The following DUSP29 variants were observed in gnomAD, a reference collection of about 807,000 sequenced individuals.
DUSP29 encodes the protein dual specificity phosphatase 29.
In DUSP29, 12 loss-of-function variants were observed where a neutral mutation model predicts 13.5. The ratio of observed to expected loss-of-function variants is 0.89; its 90% CI spans 0.57 to 1.44. The LOEUF (loss-of-function observed/expected upper bound fraction) is 1.44. Ranked by LOEUF, DUSP29 falls within the 40% of genes most tolerant of loss-of-function variation. The probability of loss-of-function intolerance (pLI) is 0.00; values close to 1 mark genes in which losing one functional copy is unlikely to be tolerated. For synonymous variants in DUSP29, 134 were observed against 128.7 expected (o/e 1.04, Z -0.28); for missense variants, 308 against 301.1 (o/e 1.02, Z -0.17).
chr10:75,050,370 T>C (rs917446793), intron 2 of DUSP29, among the ~76,000 whole-genome samples: 1 of 152,266 alleles, frequency 6.6e-6, no homozygotes, highest in African/African-American at 2.4e-5. Context: ...TCTTATCTCA[T>C]CATTGACGCC....
chr10:75,053,685 T>C (rs941357721), intron 2 of DUSP29, among the ~76,000 whole-genome samples: 5 of 151,884 alleles, frequency 3.3e-5, no homozygotes, highest in African/African-American at 4.8e-5. Flanking sequence ...TTTACCTGAC[T>C]GACCATGTTT....
chr10:75,067,521 T>G (rs1210621707), intron 1 of DUSP29, among the ~76,000 whole-genome samples: 2 of 152,118 alleles, frequency 1.3e-5, no homozygotes, highest in African/African-American at 4.8e-5. Flanking sequence ...CGAGAAGGAA[T>G]GAGGAGTGGC....
At chr10:75,043,305 A>G (rs551055097) in intron 3 of DUSP29, among the ~76,000 whole-genome samples, 46 of 152,338 alleles carry the variant, frequency 3.0e-4, no homozygotes, top group African/African-American at 8.9e-4. Flanking sequence ...TCTGGCATCA[A>G]AGCCCTTGGC....
chr10:75,047,690 C>A (rs1208246081), intron 2 of DUSP29, among the ~76,000 whole-genome samples: 2 of 152,182 alleles, frequency 1.3e-5, no homozygotes, highest in Admixed American at 6.5e-5. Flanking sequence ...TGGTTAGGCA[C>A]AATCCTAGAT....
Position 75,043,923 on chromosome 10 carries a change from C to T in DUSP29, c.295G>A (p.Asp99Asn), listed in dbSNP as rs539794082. 1.2e-5 allele frequency: 20 copies of T among 1,613,920 alleles called. No homozygotes were observed. In the South Asian group the frequency reaches 2.0e-4, roughly 16 times the overall value. Residue 99 changes from aspartate to asparagine, a missense_variant, in exon 3 of 4, where the codon GAC becomes AAC. Coordinates refer to ENST00000338487, the MANE Select transcript of DUSP29 (RefSeq NM_001003892.3). ...TGGATGTCCATGTCGCGGTAGTAGT[C>T]GGGCCCAGTGTCCACGTTCCAGCGG... Reference protein sequence around the residue: ...HGRWNVDTGPDYYRDMDIQYH... With the variant: ...HGRWNVDTGPNYYRDMDIQYH...
At chr10:75,053,893 A>G (rs574328694) in intron 2 of DUSP29, among the ~76,000 whole-genome samples, 48 of 152,306 alleles carry the variant, frequency 3.2e-4, no homozygotes, top group Non-Finnish European at 6.0e-4. Context: ...CATTTGTAAA[A>G]TGGGAATAAT....
intron 1 of DUSP29, among the ~76,000 whole-genome samples, chr10:75,073,312 GCTTTAAT>G (rs2134312885): frequency 6.6e-6 from 1 of 152,308 alleles, no homozygotes; most frequent in Non-Finnish European, 1.5e-5. Context: ...GGCTCGATGA[GCTTTAAT>G]CCACCCCATT....
At chr10:75,070,352 A>T (rs998625849) in intron 1 of DUSP29, among the ~76,000 whole-genome samples, 8 of 152,190 alleles carry the variant, frequency 5.3e-5, no homozygotes, top group African/African-American at 1.9e-4. Context: ...TGGGCCTCTC[A>T]ATTCTGTATG....
Position 75,037,827 on chromosome 10 carries a change from GA to G in DUSP29, c.*8del, listed in dbSNP as rs1367140059. 1 of 1,595,904 alleles carries G rather than the reference GA, an allele frequency of 6.3e-7. No individual in the cohort carries two copies. Among genetic ancestry groups the G allele is most frequent in the South Asian group, 1.1e-5 (1 of 90,384 alleles). ...CCCCAAGTGCCTCTGCTGGCCCTGT[GA>G]GTCGGGCCTACAGCTCCCTGCCATC... On this transcript the variant is annotated 3_prime_UTR_variant, in exon 4 of 4. Coordinates refer to ENST00000338487, the MANE Select transcript of DUSP29 (RefSeq NM_001003892.3).
chr10:75,047,820 C>T (rs750892853), intron 2 of DUSP29, among the ~76,000 whole-genome samples: 5 of 152,158 alleles, frequency 3.3e-5, no homozygotes, highest in Admixed American at 6.5e-5. Flanking sequence ...ATTTCTACTC[C>T]CCTGGAGATA....
intron 2 of DUSP29, among the ~76,000 whole-genome samples, chr10:75,055,802 C>A (rs900191148): frequency 1.8e-4 from 28 of 152,184 alleles, no homozygotes; most frequent in African/African-American, 6.8e-4. Context: ...TTTCTGTACA[C>A]CCCTCTCCTT....
At chr10:75,038,405 C>T (rs535668760) in intron 3 of DUSP29, among the ~76,000 whole-genome samples, 185 of 152,218 alleles carry the variant, frequency 1.2e-3, no homozygotes, top group Admixed American at 2.8e-3. Flanking sequence ...ATTGCTGTTT[C>T]GGATCTGGGG....
Position 75,037,805 on chromosome 10 carries a change from C to A in DUSP29, c.*31G>T. 1.3e-6 allele frequency: 2 copies of A among 1,583,430 alleles called. No homozygotes were observed. The highest frequency in any genetic ancestry group is 2.2e-5 in the South Asian group (2 of 89,150). ...ATGTTCTGCCTCTCCCCTCTGTCCCCAAGTGCCTCTGCTGGCCCTGTGAGT... is the reference window on the plus strand; with the variant it reads ...ATGTTCTGCCTCTCCCCTCTGTCCCAAAGTGCCTCTGCTGGCCCTGTGAGT... On this transcript the variant is annotated 3_prime_UTR_variant, in exon 4 of 4. Transcript: ENST00000338487.
chr10:75,051,928 GA>G (rs1846840833), intron 2 of DUSP29, among the ~76,000 whole-genome samples: 1 of 152,192 alleles, frequency 6.6e-6, no homozygotes, highest in Non-Finnish European at 1.5e-5. Context: ...CTTGTTAAGT[GA>G]GTGTCACAGA....
intron 1 of DUSP29, among the ~76,000 whole-genome samples, chr10:75,060,485 A>AC (rs1847064472): frequency 6.9e-6 from 1 of 144,674 alleles, no homozygotes; most frequent in Non-Finnish European, 1.5e-5. Context: ...AAAAAAAAAA[A>AC]CCCAAAACTT....
chr10:75,057,978 G>A (rs12251651), intron 2 of DUSP29, among the ~76,000 whole-genome samples: 3,624 of 152,164 alleles, frequency 0.024, 155 homozygotes, highest in African/African-American at 0.082. Flanking sequence ...GGGTCCTGGC[G>A]GCAATCTGGG....
At chr10:75,038,450 G>A (rs968799415) in intron 3 of DUSP29, among the ~76,000 whole-genome samples, 3 of 152,184 alleles carry the variant, frequency 2.0e-5, no homozygotes, top group Middle Eastern at 3.4e-3. Context: ...GCATGACCGC[G>A]CTCCTGGGGT....
At chr10:75,065,821 G>A (rs930071681) in intron 1 of DUSP29, among the ~76,000 whole-genome samples, 3 of 152,050 alleles carry the variant, frequency 2.0e-5, no homozygotes, top group South Asian at 4.1e-4. Flanking sequence ...CTCTAGAGCA[G>A]CTAGGACTGC....
chr10:75,045,492 C>G (rs1179381456), intron 2 of DUSP29, among the ~76,000 whole-genome samples: 3 of 152,222 alleles, frequency 2.0e-5, no homozygotes, highest in Admixed American at 6.5e-5. Flanking sequence ...AACTTCATGA[C>G]ATGATACAAA....
Sources: allele counts gnomAD v4.1 joint callset (sites outside exome capture counted in the v4.1 genomes callset), GRCh38; gene constraint gnomAD v4.1.1; transcripts MANE v1.5; gene names NCBI Gene and HGNC (gene_info 2026-07-23, HGNC 2026-07-21).